The following UMAD1 variants were observed in gnomAD, a reference collection of about 807,000 sequenced individuals.
The protein encoded by UMAD1 is UBAP1-MVB12-associated (UMA) domain containing 1.
A neutral mutation model predicts 6.1 loss-of-function variants in UMAD1; 8 were observed. That is an observed-to-expected ratio of 1.30 (90% CI 0.76 to 2.35). The LOEUF (loss-of-function observed/expected upper bound fraction) is 2.35, where lower values mean the gene tolerates loss of function less well. UMAD1 is among the 30% of genes most tolerant of loss of function. The pLI is 0.00. For synonymous variants in UMAD1, 56 were observed against 31.4 expected (o/e 1.78, Z -2.61); for missense variants, 130 against 78.4 (o/e 1.66, Z -2.49).
intron 3 of UMAD1, among the ~76,000 whole-genome samples, chr7:7,826,505 TC>T (rs1783344575): frequency 6.6e-6 from 1 of 152,250 alleles, no homozygotes; most frequent in East Asian, 1.9e-4. Context: ...GCCACTCACT[TC>T]CCACCATTTG....
intron 2 of UMAD1, among the ~76,000 whole-genome samples, chr7:7,790,953 C>A (rs142727166): frequency 3.9e-5 from 6 of 152,132 alleles, no homozygotes; most frequent in Non-Finnish European, 5.9e-5. Flanking sequence ...TGCAATGGTG[C>A]GATCTTGGCT....
chr7:7,796,219 ACTTTGACCCATTTCTATTTT>A, intron 2 of UMAD1, among the ~76,000 whole-genome samples: 1 of 140,452 alleles, frequency 7.1e-6, no homozygotes, highest in Admixed American at 6.9e-5. Context: ...TTCTGGCTGT[ACTTTGACCCATTTCTATTTT>A]CTTTCTTTTT....
intron 3 of UMAD1, among the ~76,000 whole-genome samples, chr7:7,856,197 C>A (rs751265677): frequency 9.2e-5 from 14 of 152,160 alleles, no homozygotes; most frequent in Admixed American, 2.0e-4. Context: ...TAAGCTATGC[C>A]CCACTACTTC....
intron 1 of UMAD1, among the ~76,000 whole-genome samples, chr7:7,652,366 T>C (rs1785243342): frequency 6.6e-6 from 1 of 152,230 alleles, no homozygotes; most frequent in South Asian, 2.1e-4. Flanking sequence ...TTTCAGTTGA[T>C]ATAGTTATTA....
chr7:7,723,827 G>C lies in UMAD1; in HGVS notation c.82+50374G>C, dbSNP rs141742420. Among the ~76,000 whole-genome samples, 279 of 152,336 alleles carry C rather than the reference G, an allele frequency of 1.8e-3. 2 individuals are homozygous for C. The highest frequency in any genetic ancestry group is 6.6e-3 in the African/African-American group (274 of 41,596). ...CAGAGGCAAAGCAACAATCAGAATA[G>C]TCTGACTCGTGTAGAGCTCTGCCAT... is the stretch of plus-strand genomic sequence containing the variant. On this transcript the variant is annotated intron_variant, in intron 2 of 3. Coordinates refer to ENST00000682710, the MANE Select transcript of UMAD1 (RefSeq NM_001302348.2).
At chr7:7,771,785 G>GT (rs143331819) in intron 2 of UMAD1, among the ~76,000 whole-genome samples, 4,391 of 152,220 alleles carry the variant, frequency 0.029, 79 homozygotes, top group South Asian at 0.057. Flanking sequence ...GTCTCCATGG[G>GT]TGGGGGTGAG....
chr7:7,771,982 G>T (rs1228599622), intron 2 of UMAD1, among the ~76,000 whole-genome samples: 7 of 151,862 alleles, frequency 4.6e-5, no homozygotes, highest in Non-Finnish European at 1.0e-4. Flanking sequence ...ATATATATAT[G>T]ATTTACATAA....
intron 1 of UMAD1, among the ~76,000 whole-genome samples, chr7:7,662,737 G>A (rs1372362436): frequency 1.3e-5 from 2 of 152,162 alleles, no homozygotes; most frequent in African/African-American, 4.8e-5. Context: ...ACTGGGAACT[G>A]CAGATGGAGC....
At chr7:7,866,627 G>A (rs1236275528) in intron 3 of UMAD1, among the ~76,000 whole-genome samples, 3 of 152,208 alleles carry the variant, frequency 2.0e-5, no homozygotes, top group African/African-American at 4.8e-5. Flanking sequence ...TGAGGGAGTG[G>A]AAAGCAGTAG....
intron 3 of UMAD1, among the ~76,000 whole-genome samples, chr7:7,833,345 A>T (rs1783500570): frequency 6.6e-6 from 1 of 152,160 alleles, no homozygotes; most frequent in Admixed American, 6.6e-5. Flanking sequence ...GTTACTACAC[A>T]CATGAGGCAT....
At chr7:7,718,490 C>T (rs1284490417) in intron 2 of UMAD1, 1 of 152,118 alleles carries the variant, frequency 6.6e-6, no homozygotes, top group African/African-American at 2.4e-5. Flanking sequence ...AACTATGTAT[C>T]CAACAAATTC....
chr7:7,858,180 C>T (rs941518490), intron 3 of UMAD1, among the ~76,000 whole-genome samples: 3 of 152,096 alleles, frequency 2.0e-5, no homozygotes, highest in African/African-American at 4.8e-5. Context: ...GAACTGATAA[C>T]GGTGGTAGTA....
chr7:7,777,154 C>G (rs1782225480), intron 2 of UMAD1, among the ~76,000 whole-genome samples: 1 of 152,036 alleles, frequency 6.6e-6, no homozygotes, highest in African/African-American at 2.4e-5. Context: ...CTGTACCATA[C>G]TTTATTTACT....
At chr7:7,862,980 T>G (rs911135137) in intron 3 of UMAD1, among the ~76,000 whole-genome samples, 1 of 151,818 alleles carries the variant, frequency 6.6e-6, no homozygotes, top group Admixed American at 6.6e-5. Flanking sequence ...TGTGAAATTA[T>G]ACTATAGTAC....
At chr7:7,727,390 A>G (rs892418081) in intron 2 of UMAD1, among the ~76,000 whole-genome samples, 4 of 152,232 alleles carry the variant, frequency 2.6e-5, no homozygotes, top group African/African-American at 4.8e-5. Flanking sequence ...TACATAGCAT[A>G]GTTGAATTAT....
At chr7:7,712,652 C>T (rs1780795120) in intron 2 of UMAD1, among the ~76,000 whole-genome samples, 1 of 152,136 alleles carries the variant, frequency 6.6e-6, no homozygotes, top group Admixed American at 6.5e-5. Flanking sequence ...CATTCAAATC[C>T]TTGTGGTTTC....
chr7:7,689,222 G>C (rs1780113956), intron 2 of UMAD1: 1 of 152,198 alleles, frequency 6.6e-6, no homozygotes, highest in African/African-American at 2.4e-5. Flanking sequence ...GATCAACTGA[G>C]AGACTCATGG....
chr7:7,871,908 C>A (rs143893773), intron 3 of UMAD1, among the ~76,000 whole-genome samples: 1 of 151,304 alleles, frequency 6.6e-6, no homozygotes, highest in African/African-American at 2.4e-5. Context: ...GAGAGTTAAG[C>A]CTTAGGCACT....
intron 2 of UMAD1, among the ~76,000 whole-genome samples, chr7:7,684,320 G>C (rs950244082): frequency 3.0e-4 from 46 of 151,852 alleles, no homozygotes; most frequent in African/African-American, 9.2e-4. Flanking sequence ...TCATGCCTCA[G>C]AGTCCCAAGT....
Sources: allele counts gnomAD v4.1 joint callset (sites outside exome capture counted in the v4.1 genomes callset), GRCh38; gene constraint gnomAD v4.1.1; transcripts MANE v1.5; gene names NCBI Gene and HGNC (gene_info 2026-07-23, HGNC 2026-07-21).